The following ESRRB variants were observed in gnomAD, a reference collection of about 807,000 sequenced individuals.
The protein encoded by ESRRB is steroid hormone receptor ERR2.
In ESRRB, 16 loss-of-function variants were observed where a neutral mutation model predicts 46.0. The ratio of observed to expected loss-of-function variants is 0.35; its 90% CI spans 0.24 to 0.53. The LOEUF (loss-of-function observed/expected upper bound fraction) is 0.53. ESRRB is among the 20% of genes least tolerant of loss of function. The probability of loss-of-function intolerance (pLI) is 0.93; values close to 1 mark genes in which losing one functional copy is unlikely to be tolerated. For missense variants in ESRRB, 488 were observed against 607.4 expected, an observed-to-expected ratio of 0.80 and a Z score of 2.07; for synonymous variants, 246 against 259.6, an observed-to-expected ratio of 0.95 and a Z score of 0.50.
chr14:76,466,623 A>T (rs118023258), intron 3 of ESRRB, among the ~76,000 whole-genome samples: 1,602 of 152,228 alleles, frequency 0.011, 25 homozygotes, highest in Non-Finnish European at 0.014. Context: ...GAGAAAAGGT[A>T]ATTTTTCTCT....
intron 1 of ESRRB, among the ~76,000 whole-genome samples, chr14:76,436,555 G>A (rs367848671): frequency 6.6e-6 from 1 of 152,200 alleles, no homozygotes; most frequent in African/African-American, 2.4e-5. Context: ...CATCAGGAAA[G>A]CAGGAGGGGA....
chr14:76,438,965 A>G (rs1333571053), intron 1 of ESRRB, among the ~76,000 whole-genome samples: 1 of 119,132 alleles, frequency 8.4e-6, no homozygotes, highest in East Asian at 2.9e-4. Flanking sequence ...ATGCCAGGCT[A>G]ATTTTTTTTT....
chr14:76,501,425 G>A lies in ESRRB; in HGVS notation c.*2967G>A, dbSNP rs757014628. On this transcript the variant is annotated 3_prime_UTR_variant, in exon 7 of 7. Transcript: ENST00000644823. Reference sequence around the variant, plus strand: ...TCTCAAGACTCCAGCAGAGTCGGGAGGCCATGGCAGCGCCTTAGAGGAGCT... The same window carrying A: ...TCTCAAGACTCCAGCAGAGTCGGGAAGCCATGGCAGCGCCTTAGAGGAGCT... 1 of 152,234 alleles carries A rather than the reference G, an allele frequency of 6.6e-6. No individual in the cohort carries two copies. The highest frequency in any genetic ancestry group is 1.5e-5 in the Non-Finnish European group (1 of 68,102). 9.4% of individuals were successfully genotyped at this position (152,234 alleles called of 1,614,324 possible).
intron 1 of ESRRB, among the ~76,000 whole-genome samples, chr14:76,360,189 A>G (rs1884446103): frequency 6.6e-6 from 1 of 152,056 alleles, no homozygotes; most frequent in Non-Finnish European, 1.5e-5. Context: ...TCCCCAGTGC[A>G]CTGTCACATT....
At chr14:76,388,175 CTTT>C (rs35368784) in intron 1 of ESRRB, among the ~76,000 whole-genome samples, 5 of 118,254 alleles carry the variant, frequency 4.2e-5, no homozygotes, top group Middle Eastern at 3.9e-3. Context: ...TTCTTTCATT[CTTT>C]TTTTTTTTTT....
intron 2 of ESRRB, among the ~76,000 whole-genome samples, chr14:76,457,221 C>G (rs1201511350): frequency 6.6e-6 from 1 of 151,960 alleles, no homozygotes; most frequent in African/African-American, 2.4e-5. Flanking sequence ...TGCCTGCCTC[C>G]TTCCCACAGG....
rs376499936 is a variant in ESRRB at position 76,466,880 on chromosome 14, C to T, written c.577+4219C>T. On this transcript the variant is annotated intron_variant, in intron 3 of 6. Transcript: ENST00000644823. Reference sequence around the variant, plus strand: ...CTGAGACTACAAGTGTGCAACACCACGCCCAGCTAATTTTTGTATTTTTAG... The same window carrying T: ...CTGAGACTACAAGTGTGCAACACCATGCCCAGCTAATTTTTGTATTTTTAG... 1.4e-3 allele frequency among the ~76,000 whole-genome samples: 211 copies of T among 152,124 alleles called. 2 individuals are homozygous for T. The highest frequency in any genetic ancestry group is 4.9e-3 in the African/African-American group (202 of 41,524).
intron 1 of ESRRB, among the ~76,000 whole-genome samples, chr14:76,344,783 C>T (rs1002110378): frequency 8.7e-5 from 13 of 149,952 alleles, no homozygotes; most frequent in Non-Finnish European, 4.4e-5. Context: ...ACCTAGGAGG[C>T]GGAAGTTGCA....
rs925141596 is a variant in ESRRB, at chr14:76,316,257, G to A, written c.2+5341G>A. Reference sequence around the variant, plus strand: ...CCTCAGTACTCCTTGTTCCCATGCAGGGACTCACGATGCGGCCAGGCAATG... The same window carrying A: ...CCTCAGTACTCCTTGTTCCCATGCAAGGACTCACGATGCGGCCAGGCAATG... On this transcript the variant is annotated intron_variant, in intron 1 of 6. Coordinates refer to the ESRRB transcript ENST00000512784. 2.0e-5 allele frequency among the ~76,000 whole-genome samples: 3 copies of A among 152,284 alleles called. No homozygotes were observed. In the East Asian group the frequency reaches 5.8e-4, roughly 29 times the overall value.
chr14:76,421,265 A>G (rs1886941423), intron 1 of ESRRB, among the ~76,000 whole-genome samples: 1 of 152,146 alleles, frequency 6.6e-6, no homozygotes, highest in Non-Finnish European at 1.5e-5. Flanking sequence ...AAAATCCCAT[A>G]CATTGGCATC....
At chr14:76,353,057 C>A (rs924584707) in intron 1 of ESRRB, among the ~76,000 whole-genome samples, 1 of 152,228 alleles carries the variant, frequency 6.6e-6, no homozygotes, top group African/African-American at 2.4e-5. Context: ...CTCTGAGGCA[C>A]CCTAGACCTT....
chr14:76,499,978 G>A lies in ESRRB; in HGVS notation c.*1520G>A, dbSNP rs1314101340. On this transcript the variant is annotated 3_prime_UTR_variant, in exon 7 of 7. Coordinates refer to ENST00000644823, the MANE Select transcript of ESRRB (RefSeq NM_001379180.1). The stretch of plus-strand genomic sequence containing the variant: ...AGCAGGGATCAGAGCAACTCCCCGG[G>A]GATCCCCAATCCACGCCCTTCTAGT... The A allele has an allele frequency of 6.3e-7, 1 of 1,599,472 alleles. No individual in the cohort carries two copies. The highest frequency in any genetic ancestry group is 8.5e-7 in the Non-Finnish European group (1 of 1,172,722).
rs56091857 is a variant in ESRRB, at chr14:76,489,445, C to CCACACACACACACACACACACACACA, written c.851-1992_851-1967dup. Among the ~76,000 whole-genome samples, 575 of 129,622 alleles carry CCACACACACACACACACACACACACA rather than the reference C, an allele frequency of 4.4e-3. 6 individuals are homozygous for CCACACACACACACACACACACACACA. Among genetic ancestry groups the CCACACACACACACACACACACACACA allele is most frequent in the East Asian group, 0.011 (44 of 3,960 alleles). The allele number at this position is 129,622 out of a possible 152,430, so 85.0% of individuals were successfully genotyped here. A position where few individuals can be genotyped will look rare whatever the true frequency, so the allele number is the denominator to read the frequency against. Reference sequence around the variant, plus strand: ...TCTCCCATGCAGGGAATCTGGACAACCACACACACACACACACACACACAC... The same window carrying CCACACACACACACACACACACACACA: ...TCTCCCATGCAGGGAATCTGGACAACCACACACACACACACACACACACACACACACACACACACACACACACACAC... On this transcript the variant is annotated intron_variant, in intron 5 of 6. Coordinates refer to ENST00000644823, the MANE Select transcript of ESRRB (RefSeq NM_001379180.1).
intron 1 of ESRRB, among the ~76,000 whole-genome samples, chr14:76,434,431 A>G (rs1270733129): frequency 6.6e-6 from 1 of 152,136 alleles, no homozygotes; most frequent in African/African-American, 2.4e-5. Flanking sequence ...GCGGGGGATC[A>G]CTTGAGGTCA....
At chr14:76,360,375 G>A (rs1884448246) in intron 1 of ESRRB, among the ~76,000 whole-genome samples, 1 of 152,124 alleles carries the variant, frequency 6.6e-6, no homozygotes, top group African/African-American at 2.4e-5. Context: ...CTGGTTAGTT[G>A]TAGACAGGTG....
chr14:76,490,862 G>A (rs1230913308), intron 5 of ESRRB, among the ~76,000 whole-genome samples: 1 of 152,192 alleles, frequency 6.6e-6, no homozygotes, highest in African/African-American at 2.4e-5. Context: ...GACCCCGGGG[G>A]CTCTTGATCT....
At chr14:76,384,286 G>A (rs994410565) in intron 1 of ESRRB, among the ~76,000 whole-genome samples, 1 of 152,140 alleles carries the variant, frequency 6.6e-6, no homozygotes, top group Non-Finnish European at 1.5e-5. Flanking sequence ...ATTTTAATGT[G>A]ATGGTTATAA....
At chr14:76,342,064 G>A (rs1035606988) in intron 1 of ESRRB, among the ~76,000 whole-genome samples, 1 of 152,218 alleles carries the variant, frequency 6.6e-6, no homozygotes, top group Non-Finnish European at 1.5e-5. Context: ...GGGAGGGCAG[G>A]TGGTGGCAGC....
chr14:76,407,751 C>T (rs1157266674), intron 1 of ESRRB, among the ~76,000 whole-genome samples: 1 of 152,172 alleles, frequency 6.6e-6, no homozygotes, highest in Admixed American at 6.5e-5. Context: ...TGCCTGGTGA[C>T]CTTGGAAAGG....
Sources: allele counts gnomAD v4.1 joint callset (sites outside exome capture counted in the v4.1 genomes callset), GRCh38; gene constraint gnomAD v4.1.1; transcripts MANE v1.5; gene names NCBI Gene and HGNC (gene_info 2026-07-23, HGNC 2026-07-21).